FBXL17: variants seen among roughly 807,000 people sequenced by gnomAD.
The protein encoded by FBXL17 is F-box/LRR-repeat protein 17.
Under a neutral mutation model 66.2 loss-of-function variants are expected in FBXL17, and 22 were observed. The ratio of observed to expected loss-of-function variants is 0.33; its 90% CI spans 0.24 to 0.47. FBXL17 has a LOEUF of 0.47. FBXL17 is among the 20% of genes least tolerant of loss of function. The pLI, the probability that FBXL17 is intolerant of heterozygous loss-of-function variation, is 1.00. For missense variants in FBXL17, 878 were observed against 948.2 expected (o/e 0.93, Z 0.97); for synonymous variants, 474 against 400.5 (o/e 1.18, Z -2.19).
At chr5:107,916,907 T>C (rs879882824) in intron 7 of FBXL17, among the ~76,000 whole-genome samples, 1 of 152,240 alleles carries the variant, frequency 6.6e-6, no homozygotes, top group Non-Finnish European at 1.5e-5. Context: ...GTTTTCTTAG[T>C]AACATGCTAA....
intron 6 of FBXL17, among the ~76,000 whole-genome samples, chr5:108,118,486 T>C (rs1750351378): frequency 6.6e-6 from 1 of 152,184 alleles, no homozygotes; most frequent in Non-Finnish European, 1.5e-5. Context: ...TTGCAACACA[T>C]CCTTGATCGC....
chr5:108,218,944 C>T (rs899333998), intron 5 of FBXL17, among the ~76,000 whole-genome samples: 2 of 152,106 alleles, frequency 1.3e-5, no homozygotes, highest in African/African-American at 4.8e-5. Context: ...GATTTCCTAG[C>T]TTTGATTTAT....
intron 6 of FBXL17, among the ~76,000 whole-genome samples, chr5:108,072,349 A>C (rs143471835): frequency 1.1e-3 from 164 of 152,324 alleles, no homozygotes; most frequent in African/African-American, 3.8e-3. Context: ...TATTACCAGA[A>C]ATTAAAGTGT....
At chr5:107,994,145 C>T (rs1246587578) in intron 7 of FBXL17, among the ~76,000 whole-genome samples, 2 of 152,020 alleles carry the variant, frequency 1.3e-5, no homozygotes, top group Non-Finnish European at 2.9e-5. Flanking sequence ...ATTCATAAAG[C>T]CAGATTATTT....
At chr5:108,194,857 G>A (rs916090216) in intron 5 of FBXL17, among the ~76,000 whole-genome samples, 2 of 152,118 alleles carry the variant, frequency 1.3e-5, no homozygotes, top group African/African-American at 2.4e-5. Flanking sequence ...GGAACAGGGC[G>A]AGCCTTCAGT....
At chr5:107,917,229 T>C (rs948960898) in intron 7 of FBXL17, among the ~76,000 whole-genome samples, 5 of 152,216 alleles carry the variant, frequency 3.3e-5, no homozygotes, top group South Asian at 4.1e-4. Context: ...CTTCTTTATT[T>C]TTCTATTCTA....
chr5:108,215,176 T>C (rs1400663306), intron 5 of FBXL17, among the ~76,000 whole-genome samples: 1 of 152,254 alleles, frequency 6.6e-6, no homozygotes, highest in Non-Finnish European at 1.5e-5. Context: ...TGGGCATTCA[T>C]GTACAAGTTT....
chr5:108,178,575 T>C (rs1752884594), intron 6 of FBXL17, among the ~76,000 whole-genome samples: 1 of 152,138 alleles, frequency 6.6e-6, no homozygotes, highest in Non-Finnish European at 1.5e-5. Context: ...TTTGCAAAAA[T>C]ACAAATAATG....
chr5:108,261,227 T>C (rs1756807383), intron 4 of FBXL17, among the ~76,000 whole-genome samples: 1 of 151,420 alleles, frequency 6.6e-6, no homozygotes, highest in South Asian at 2.1e-4. Context: ...TATGTGAACA[T>C]CCAGATAACA....
At chr5:107,957,775 C>A (rs1449790889) in intron 7 of FBXL17, among the ~76,000 whole-genome samples, 2 of 152,076 alleles carry the variant, frequency 1.3e-5, no homozygotes, top group Non-Finnish European at 2.9e-5. Flanking sequence ...ATAATTTGTA[C>A]ATATTTAAAA....
At chr5:108,075,723 C>T (rs1054983662) in intron 6 of FBXL17, among the ~76,000 whole-genome samples, 9 of 152,054 alleles carry the variant, frequency 5.9e-5, no homozygotes, top group African/African-American at 1.7e-4. Context: ...GTGATCTGCC[C>T]GCCTCGGCCT....
At chr5:108,300,217 T>A (rs1184887866) in intron 4 of FBXL17, among the ~76,000 whole-genome samples, 1 of 151,868 alleles carries the variant, frequency 6.6e-6, no homozygotes, top group Non-Finnish European at 1.5e-5. Flanking sequence ...AAGAACTCCA[T>A]TTACTTGATT....
chr5:108,298,741 T>A, intron 4 of FBXL17: 1 of 761,838 alleles, frequency 1.3e-6, no homozygotes. Context: ...ATTTAATTTT[T>A]AAATCCATGT....
Position 108,381,819 on chromosome 5 carries a change from C to CGCACACACGG in FBXL17, c.-138_-129dup, listed in dbSNP as rs1219195451. On this transcript the variant is annotated 5_prime_UTR_variant, in exon 1 of 9. Transcript: ENST00000542267. ...GGGTCGCCCTTCCTGCGCACACACA[C>CGCACACACGG]GCACACACGGGCACACACGCGACGG... The CGCACACACGG allele has an allele frequency of 6.0e-6, 8 of 1,336,932 alleles. No homozygotes were observed. The highest frequency in any genetic ancestry group is 4.6e-5 in the African/African-American group (3 of 64,852). 82.8% of individuals were successfully genotyped at this position (1,336,932 alleles called of 1,614,324 possible). A position where few individuals can be genotyped will look rare whatever the true frequency, so the allele number is the denominator to read the frequency against.
chr5:108,230,727 T>TAA (rs111266057), intron 4 of FBXL17, among the ~76,000 whole-genome samples: 44 of 83,688 alleles, frequency 5.3e-4, no homozygotes, highest in African/African-American at 2.5e-3. Flanking sequence ...GGAAATAAAT[T>TAA]TAAAAAAAAA....
chr5:108,174,297 T>G (rs1281946553), intron 6 of FBXL17, among the ~76,000 whole-genome samples: 1 of 152,200 alleles, frequency 6.6e-6, no homozygotes. Flanking sequence ...AGAGATATAT[T>G]GTACAGGTTT....
At chr5:108,009,300 T>TATATATACACAC (rs1554056634) in intron 7 of FBXL17, among the ~76,000 whole-genome samples, 1 of 63,302 alleles carries the variant, frequency 1.6e-5, no homozygotes, top group Non-Finnish European at 3.0e-5. Context: ...TATATATATA[T>TATATATACACAC]ACATATATAC....
At chr5:108,166,617 A>G (rs1287782587) in intron 6 of FBXL17, among the ~76,000 whole-genome samples, 3 of 152,234 alleles carry the variant, frequency 2.0e-5, no homozygotes, top group Non-Finnish European at 4.4e-5. Context: ...TATGAAAAAA[A>G]CATGGTAAAA....
chr5:108,212,547 G>T (rs145276058), intron 5 of FBXL17, among the ~76,000 whole-genome samples: 1 of 152,238 alleles, frequency 6.6e-6, no homozygotes, highest in African/African-American at 2.4e-5. Flanking sequence ...CTGTTTCTTA[G>T]TTTTCCTTCT....
Sources: gnomAD v4.1 joint callset for allele counts (sites outside exome capture counted in the v4.1 genomes callset) on GRCh38, gnomAD v4.1.1 for gene constraint, MANE v1.5 for transcripts, NCBI Gene and HGNC (gene_info 2026-07-23, HGNC 2026-07-21) for gene names.